CSMD3: variants seen among roughly 807,000 people sequenced by gnomAD.
The protein encoded by CSMD3 is CUB and Sushi multiple domains 3.
CSMD3 carries 177 observed loss-of-function variants against 435.2 expected under a neutral mutation model. The ratio of observed to expected loss-of-function variants is 0.41; its 90% CI spans 0.36 to 0.46. CSMD3 has a LOEUF of 0.46. Ranked by LOEUF, CSMD3 falls within the 20% of genes least tolerant of loss-of-function variation. The pLI is 0.34. For synonymous variants in CSMD3, 1,656 were observed against 1,520.5 expected (o/e 1.09, Z -2.07); for missense variants, 4,265 against 4,504.6 (o/e 0.95, Z 1.52).
intron 1 of CSMD3, among the ~76,000 whole-genome samples, chr8:113,360,842 G>A (rs2132984602): frequency 6.6e-6 from 1 of 152,040 alleles, no homozygotes; most frequent in Admixed American, 6.5e-5. Flanking sequence ...CAAAGTGCTG[G>A]GATTACAGGC....
At chr8:113,120,058 G>A (rs1488178771) in intron 4 of CSMD3, among the ~76,000 whole-genome samples, 1 of 151,850 alleles carries the variant, frequency 6.6e-6, no homozygotes, top group African/African-American at 2.4e-5. Flanking sequence ...GAAGGCATCA[G>A]CCTAAAAATA....
At chr8:112,891,657 A>G (rs2081794974) in intron 10 of CSMD3, among the ~76,000 whole-genome samples, 1 of 151,546 alleles carries the variant, frequency 6.6e-6, no homozygotes, top group African/African-American at 2.4e-5. Context: ...AACCAGGCAA[A>G]ATGTCAGGTT....
chr8:113,202,650 A>C (rs2092726974), intron 3 of CSMD3, among the ~76,000 whole-genome samples: 1 of 152,138 alleles, frequency 6.6e-6, no homozygotes, highest in African/African-American at 2.4e-5. Context: ...ACTTATGTCA[A>C]GGTTGCCTAG....
intron 7 of CSMD3, 117 bp from the exon 8 acceptor site, chr8:112,954,878 C>T: frequency 1.5e-6 from 1 of 681,736 alleles, no homozygotes. Context: ...CTTTCTTAAG[C>T]CTGATATAGT....
At chr8:113,041,641 G>C (rs1320378750) in intron 5 of CSMD3, among the ~76,000 whole-genome samples, 1 of 151,896 alleles carries the variant, frequency 6.6e-6, no homozygotes, top group Non-Finnish European at 1.5e-5. Flanking sequence ...TTTACACTAA[G>C]GATATTAAAC....
intron 16 of CSMD3, among the ~76,000 whole-genome samples, chr8:112,674,903 T>C (rs2131743776): frequency 1.3e-5 from 2 of 152,124 alleles, no homozygotes; most frequent in East Asian, 3.9e-4. Flanking sequence ...ATTCAAACAG[T>C]TATAGATAGA....
At chr8:112,732,560 G>T (rs1329764748) in intron 13 of CSMD3, among the ~76,000 whole-genome samples, 1 of 151,560 alleles carries the variant, frequency 6.6e-6, no homozygotes, top group Non-Finnish European at 1.5e-5. Flanking sequence ...GCGAAACCTC[G>T]TCTCTACTAA....
intron 1 of CSMD3, among the ~76,000 whole-genome samples, chr8:113,401,260 A>G (rs910510567): frequency 1.3e-5 from 2 of 151,712 alleles, no homozygotes; most frequent in Non-Finnish European, 3.0e-5. Context: ...CCTTTATAAT[A>G]CATGGTTAAC....
rs76303282 is a variant in CSMD3, at chr8:113,383,254, G to A, written c.178+53423C>T. On this transcript the variant is annotated intron_variant, in intron 1 of 70. Coordinates refer to ENST00000297405, the MANE Select transcript of CSMD3 (RefSeq NM_198123.2). The stretch of plus-strand genomic sequence containing the variant: ...AAAGTGGAGAGATGGGCAGGGATGG[G>A]ATCAGTTTAAATAATAAGAGGATTA... 1.5e-4 allele frequency among the ~76,000 whole-genome samples: 23 copies of A among 152,246 alleles called. 1 individual carries two copies. In the East Asian group the frequency reaches 2.9e-3, roughly 19 times the overall value.
intron 23 of CSMD3, among the ~76,000 whole-genome samples, chr8:112,575,558 A>C (rs1210561394): frequency 2.6e-5 from 4 of 152,052 alleles, no homozygotes. Context: ...CTAATATTAT[A>C]AGGGAATATC....
At position 113,230,176 on chromosome 8, in the gene CSMD3, C is replaced by A. The variant is rs191223498; in HGVS notation, c.514+48416G>T. Among the ~76,000 whole-genome samples, 310 of 151,484 alleles carry A rather than the reference C, an allele frequency of 2.0e-3. 1 individual carries two copies. The highest frequency in any genetic ancestry group is 6.1e-3 in the African/African-American group (253 of 41,270). On this transcript the variant is annotated intron_variant, in intron 3 of 70. Transcript: ENST00000297405. ...TAGCAAGATTGCTAGTGAAGACCTC[C>A]ATTAAATAGTTTATCTCAATTGCCA...
intron 9 of CSMD3, among the ~76,000 whole-genome samples, chr8:112,923,585 A>T (rs1356277113): frequency 6.6e-6 from 1 of 152,030 alleles, no homozygotes; most frequent in Non-Finnish European, 1.5e-5. Context: ...ATGATATTTT[A>T]TCCATAAGGC....
rs189905198 is a variant in CSMD3, at chr8:113,299,753, G to T, written c.401+14818C>A. ...CTCATGCCTGTAATCCTAGAACTTT[G>T]TGAAGCTGAGGTGGATGGATCACTT... On this transcript the variant is annotated intron_variant, in intron 2 of 70. Transcript: ENST00000297405. 5.2e-4 allele frequency among the ~76,000 whole-genome samples: 79 copies of T among 152,270 alleles called. 2 individuals are homozygous for T. In the East Asian group the frequency reaches 0.013, roughly 24 times the overall value.
At chr8:112,226,554 A>G (rs1240300703) in intron 70 of CSMD3, among the ~76,000 whole-genome samples, 6 of 152,188 alleles carry the variant, frequency 3.9e-5, no homozygotes, top group Non-Finnish European at 7.4e-5. Context: ...AGGAAAAAAA[A>G]TAAATTTAAC....
At chr8:113,349,046 T>C (rs902819024) in intron 1 of CSMD3, among the ~76,000 whole-genome samples, 2 of 152,154 alleles carry the variant, frequency 1.3e-5, no homozygotes, top group African/African-American at 4.8e-5. Flanking sequence ...ACTAGTTTAC[T>C]ATTTGGTTTT....
intron 16 of CSMD3, among the ~76,000 whole-genome samples, chr8:112,681,819 A>T (rs1386688317): frequency 6.6e-6 from 1 of 152,170 alleles, no homozygotes; most frequent in African/African-American, 2.4e-5. Context: ...GTGAGTTGAG[A>T]TTGCACCATT....
At chr8:112,991,021 G>T (rs2085438688) in intron 6 of CSMD3, among the ~76,000 whole-genome samples, 1 of 151,646 alleles carries the variant, frequency 6.6e-6, no homozygotes, top group East Asian at 1.9e-4. Context: ...AAAGAAAAAT[G>T]GAAAAACAGA....
In CSMD3 at chr8:112,348,839, A is replaced by T. The variant is rs1410685378; in HGVS notation, c.6325+2336T>A. ...TTATCTACTAAAAAAGTAATTTTTTAAAAAATTGTTTTGTTACATTTTATT... is the reference window on the plus strand; with the variant it reads ...TTATCTACTAAAAAAGTAATTTTTTTAAAAATTGTTTTGTTACATTTTATT... On this transcript the variant is annotated intron_variant, in intron 40 of 70. Coordinates refer to ENST00000297405, the MANE Select transcript of CSMD3 (RefSeq NM_198123.2). Among the ~76,000 whole-genome samples the T allele has an allele frequency of 1.3e-4, 20 of 152,272 alleles. No individual in the cohort carries two copies. In the East Asian group the frequency reaches 2.5e-3, roughly 19 times the overall value.
At chr8:113,022,886 T>A (rs911910964) in intron 5 of CSMD3, among the ~76,000 whole-genome samples, 5 of 143,732 alleles carry the variant, frequency 3.5e-5, no homozygotes, top group East Asian at 2.2e-4. Flanking sequence ...TTGCAAAAAA[T>A]TTTTAGTTCT....
Sources: gnomAD v4.1 joint callset for allele counts (sites outside exome capture counted in the v4.1 genomes callset) on GRCh38, gnomAD v4.1.1 for gene constraint, MANE v1.5 for transcripts, NCBI Gene and HGNC (gene_info 2026-07-23, HGNC 2026-07-21) for gene names.